The following DNER variants were observed in gnomAD, a reference collection of about 807,000 sequenced individuals.
DNER encodes delta and Notch-like epidermal growth factor-related receptor.
A neutral mutation model predicts 78.2 loss-of-function variants in DNER; 33 were observed. The observed-to-expected ratio is 0.42, with a 90% CI of 0.32 to 0.56. DNER has a LOEUF of 0.56. Ranked by LOEUF, DNER falls within the 20% of genes least tolerant of loss-of-function variation. The pLI, the probability that DNER is intolerant of heterozygous loss-of-function variation, is 0.11. For missense variants in DNER, 918 were observed against 975.3 expected (o/e 0.94, Z 0.78); for synonymous variants, 417 against 384.8 (o/e 1.08, Z -0.98).
chr2:229,460,156 CAAAAAA>C (rs5839331), intron 7 of DNER, among the ~76,000 whole-genome samples: 15 of 85,510 alleles, frequency 1.8e-4, no homozygotes, highest in Admixed American at 6.9e-4. Context: ...GACTCCGTCT[CAAAAAA>C]AAAAAAAAAA....
chr2:229,479,440 C>T (rs913227922), intron 6 of DNER, among the ~76,000 whole-genome samples: 6 of 152,068 alleles, frequency 3.9e-5, no homozygotes, highest in Admixed American at 1.3e-4. Flanking sequence ...CAGCTAGGTG[C>T]GGTAGCTCAT....
chr2:229,474,676 C>A (rs904636257), intron 7 of DNER, among the ~76,000 whole-genome samples: 2 of 152,196 alleles, frequency 1.3e-5, no homozygotes, highest in African/African-American at 4.8e-5. Context: ...ACTTGACTAT[C>A]ACAAGGGTCT....
intron 11 of DNER, among the ~76,000 whole-genome samples, chr2:229,378,319 C>G (rs903456755): frequency 6.6e-6 from 1 of 152,160 alleles, no homozygotes; most frequent in African/African-American, 2.4e-5. Flanking sequence ...GAAACTAATA[C>G]AGATGGTCAG....
intron 8 of DNER, among the ~76,000 whole-genome samples, chr2:229,424,569 C>T (rs991817619): frequency 2.0e-4 from 31 of 152,174 alleles, no homozygotes; most frequent in Non-Finnish European, 4.4e-4. Flanking sequence ...CGGCCGCCTT[C>T]TCTATGAGTC....
intron 5 of DNER, among the ~76,000 whole-genome samples, chr2:229,538,458 A>G (rs1231011158): frequency 1.3e-5 from 2 of 152,072 alleles, no homozygotes; most frequent in African/African-American, 4.8e-5. Context: ...TCCGCCTCCT[A>G]GGTTCAAGCA....
chr2:229,630,724 T>C (rs1204676511), intron 1 of DNER, among the ~76,000 whole-genome samples: 1 of 152,078 alleles, frequency 6.6e-6, no homozygotes, highest in African/African-American at 2.4e-5. Flanking sequence ...TGGGGTATGA[T>C]TGATCCCATC....
At chr2:229,454,919 T>C (rs1015203141) in intron 7 of DNER, among the ~76,000 whole-genome samples, 3 of 151,140 alleles carry the variant, frequency 2.0e-5, no homozygotes, top group East Asian at 1.9e-4. Context: ...TTACAAAGAA[T>C]GACAAAGCAA....
chr2:229,658,659 C>A (rs1416819645), intron 1 of DNER, among the ~76,000 whole-genome samples: 1 of 151,972 alleles, frequency 6.6e-6, no homozygotes, highest in Non-Finnish European at 1.5e-5. Flanking sequence ...ATCTGAAAGA[C>A]TTTGAATAAA....
chr2:229,410,298 T>G (rs1693482620), intron 9 of DNER, among the ~76,000 whole-genome samples: 1 of 152,194 alleles, frequency 6.6e-6, no homozygotes, highest in Non-Finnish European at 1.5e-5. Context: ...TTATCTGCTC[T>G]CCTGTCTGAT....
intron 1 of DNER, among the ~76,000 whole-genome samples, chr2:229,653,773 T>C (rs901741782): frequency 6.6e-6 from 1 of 152,228 alleles, no homozygotes; most frequent in Non-Finnish European, 1.5e-5. Context: ...TGGCCTCACA[T>C]TCATGTAACA....
chr2:229,367,274 CCTTA>C (rs1692372649), intron 11 of DNER, among the ~76,000 whole-genome samples, 155 bp from the exon 12 acceptor site: 1 of 152,122 alleles, frequency 6.6e-6, no homozygotes, highest in Non-Finnish European at 1.5e-5. Flanking sequence ...GGGTTAATAT[CCTTA>C]CTACATAAGG....
chr2:229,518,630 G>C (rs1696031737), intron 5 of DNER, among the ~76,000 whole-genome samples: 1 of 152,174 alleles, frequency 6.6e-6, no homozygotes, highest in Admixed American at 6.5e-5. Flanking sequence ...CCTAAATCGA[G>C]TCCAACCATC....
chr2:229,693,669 T>C (rs1390050938), intron 1 of DNER, among the ~76,000 whole-genome samples: 1 of 152,130 alleles, frequency 6.6e-6, no homozygotes, highest in African/African-American at 2.4e-5. Flanking sequence ...TGGCAGCATT[T>C]TGCCCCTGGA....
At chr2:229,425,024 T>C (rs1693843397) in intron 8 of DNER, among the ~76,000 whole-genome samples, 1 of 152,128 alleles carries the variant, frequency 6.6e-6, no homozygotes, top group South Asian at 2.1e-4. Context: ...TTGAAGAGAT[T>C]TGAGAACATG....
At chr2:229,646,962 A>G (rs1255833936) in intron 1 of DNER, among the ~76,000 whole-genome samples, 1 of 152,240 alleles carries the variant, frequency 6.6e-6, no homozygotes, top group East Asian at 1.9e-4. Flanking sequence ...AGGTCAAGAG[A>G]TCGCGACCAT....
At chr2:229,528,648 A>G (rs1429698751) in intron 5 of DNER, among the ~76,000 whole-genome samples, 1 of 152,204 alleles carries the variant, frequency 6.6e-6, no homozygotes, top group Admixed American at 6.5e-5. Context: ...TTGTACAAAT[A>G]TGGAAGCCCA....
At chr2:229,673,526 A>T (rs1182589706) in intron 1 of DNER, among the ~76,000 whole-genome samples, 1 of 152,192 alleles carries the variant, frequency 6.6e-6, no homozygotes, top group Non-Finnish European at 1.5e-5. Flanking sequence ...CTCCCCAACC[A>T]GTATAGACAT....
intron 5 of DNER, among the ~76,000 whole-genome samples, chr2:229,514,291 T>C (rs1695928073): frequency 6.6e-6 from 1 of 152,160 alleles, no homozygotes; most frequent in Non-Finnish European, 1.5e-5. Context: ...TTTCCAGGCT[T>C]TCTACATGAC....
At chr2:229,515,901 C>A (rs931200903) in intron 5 of DNER, among the ~76,000 whole-genome samples, 3 of 152,128 alleles carry the variant, frequency 2.0e-5, no homozygotes, top group Admixed American at 6.5e-5. Context: ...CTCGGCCTCC[C>A]AAAGTGCTGG....
Sources: allele counts gnomAD v4.1 joint callset (sites outside exome capture counted in the v4.1 genomes callset), GRCh38; gene constraint gnomAD v4.1.1; transcripts MANE v1.5; gene names NCBI Gene and HGNC (gene_info 2026-07-23, HGNC 2026-07-21).